DLG2: variants seen among roughly 807,000 people sequenced by gnomAD.
The protein encoded by DLG2 is discs large MAGUK scaffold protein 2, also known as disks large homolog 2.
In DLG2, 45 loss-of-function variants were observed where a neutral mutation model predicts 132.5. That is an observed-to-expected ratio of 0.34 (90% confidence interval 0.27 to 0.44). DLG2 has a LOEUF of 0.44. DLG2 is among the 20% of genes least tolerant of loss of function. DLG2 has a pLI of 1.00. For synonymous variants in DLG2, 424 were observed against 419.6 expected (o/e 1.01, Z -0.13); for missense variants, 1,045 against 1,196.9 (o/e 0.87, Z 1.87).
intron 3 of DLG2, among the ~76,000 whole-genome samples, chr11:85,542,964 T>C (rs574678012): frequency 9.3e-4 from 142 of 152,326 alleles, no homozygotes; most frequent in Non-Finnish European, 1.5e-3. Flanking sequence ...ATACTGTTGC[T>C]AGGTGTAGCT....
chr11:85,171,327 C>T (rs2078857352), intron 4 of DLG2, among the ~76,000 whole-genome samples: 1 of 152,138 alleles, frequency 6.6e-6, no homozygotes, highest in Non-Finnish European at 1.5e-5. Context: ...CCCCCACCTC[C>T]AGCCAAGGGA....
chr11:84,673,115 G>T (rs61899031), intron 6 of DLG2, among the ~76,000 whole-genome samples: 20,206 of 151,938 alleles, frequency 0.13, 1,553 homozygotes, highest in East Asian at 0.24. Flanking sequence ...CCAACATTAG[G>T]ATTACAATTT....
intron 3 of DLG2, among the ~76,000 whole-genome samples, chr11:85,315,318 C>T (rs1253484761): frequency 6.6e-6 from 1 of 151,926 alleles, no homozygotes; most frequent in Non-Finnish European, 1.5e-5. Flanking sequence ...CCATCCAATC[C>T]TGTCTTGCCA....
In DLG2 at chr11:84,602,292, A is replaced by G. The variant is rs1351275973; in HGVS notation, c.358-67561T>C. On this transcript the variant is annotated intron_variant, in intron 6 of 27. Transcript: ENST00000376104. Reference sequence around the variant, plus strand: ...TATTCTCTAAACAACTCTAAGAAATACCTATTATTTTCTCCATTTCTCCAT... The same window carrying G: ...TATTCTCTAAACAACTCTAAGAAATGCCTATTATTTTCTCCATTTCTCCAT... Among the ~76,000 whole-genome samples, 3 of 151,770 alleles carry G rather than the reference A, an allele frequency of 2.0e-5. No individual in the cohort carries two copies. The East Asian group carries it at 5.8e-4, about 29-fold the overall frequency.
intron 4 of DLG2, among the ~76,000 whole-genome samples, chr11:85,175,573 C>T (rs1038023142): frequency 3.3e-5 from 5 of 152,164 alleles, no homozygotes; most frequent in African/African-American, 1.2e-4. Flanking sequence ...TGCCCTCTCT[C>T]ACCACTCCTA....
intron 7 of DLG2, among the ~76,000 whole-genome samples, chr11:84,286,610 C>A (rs774872701): frequency 6.6e-6 from 1 of 152,178 alleles, no homozygotes; most frequent in Non-Finnish European, 1.5e-5. Context: ...TTTTAGCATG[C>A]TAATGCACTT....
At chr11:83,739,409 A>C (rs2092310670) in intron 18 of DLG2, among the ~76,000 whole-genome samples, 1 of 152,202 alleles carries the variant, frequency 6.6e-6, no homozygotes, top group South Asian at 2.1e-4. Context: ...GATAATTAAA[A>C]AGAACATTAA....
chr11:84,081,965 C>T (rs2096910822), intron 10 of DLG2, among the ~76,000 whole-genome samples: 1 of 152,152 alleles, frequency 6.6e-6, no homozygotes, highest in Non-Finnish European at 1.5e-5. Flanking sequence ...CCTATTTCTC[C>T]ATATGCTCTC....
At chr11:85,411,091 G>A (rs1172563857) in intron 3 of DLG2, among the ~76,000 whole-genome samples, 1 of 151,758 alleles carries the variant, frequency 6.6e-6, no homozygotes, top group Non-Finnish European at 1.5e-5. Context: ...AGATTTGAGG[G>A]AATATTCTTC....
intron 7 of DLG2, among the ~76,000 whole-genome samples, chr11:84,331,375 C>A (rs1301789605): frequency 1.3e-5 from 2 of 149,704 alleles, no homozygotes; most frequent in African/African-American, 4.9e-5. Flanking sequence ...AGCAAAGCTG[C>A]AATTCAAATT....
At chr11:84,122,575 G>T (rs538254869) in intron 9 of DLG2, among the ~76,000 whole-genome samples, 1 of 78,490 alleles carries the variant, frequency 1.3e-5, no homozygotes, top group African/African-American at 3.2e-5. Context: ...TGCTCCTAGG[G>T]CAAACAAACA....
At chr11:85,484,065 A>T (rs1261429416) in intron 3 of DLG2, among the ~76,000 whole-genome samples, 1 of 144,732 alleles carries the variant, frequency 6.9e-6, no homozygotes, top group Non-Finnish European at 1.5e-5. Flanking sequence ...CCGATAGTCA[A>T]CAAGTACCGT....
intron 7 of DLG2, among the ~76,000 whole-genome samples, chr11:84,278,007 C>T (rs958410122): frequency 4.6e-5 from 7 of 150,790 alleles, no homozygotes; most frequent in African/African-American, 1.7e-4. Flanking sequence ...AGTCCTCTGG[C>T]CTCAGCCTCC....
At chr11:85,326,446 G>C (rs1378228959) in intron 3 of DLG2, among the ~76,000 whole-genome samples, 1 of 114,576 alleles carries the variant, frequency 8.7e-6, no homozygotes, top group East Asian at 3.1e-4. Flanking sequence ...CTACAAGCCA[G>C]AAGAGAGTGG....
intron 6 of DLG2, among the ~76,000 whole-genome samples, chr11:84,916,004 A>C (rs2092430289): frequency 6.6e-6 from 1 of 152,172 alleles, no homozygotes; most frequent in Admixed American, 6.5e-5. Flanking sequence ...ATGAACGTAT[A>C]CATATGACTC....
chr11:84,581,252 G>T (rs1195866513), intron 6 of DLG2, among the ~76,000 whole-genome samples: 1 of 152,282 alleles, frequency 6.6e-6, no homozygotes, highest in South Asian at 2.1e-4. Flanking sequence ...GAACACAAAA[G>T]ACATTCCATC....
chr11:85,345,213 G>A (rs1001274556), intron 3 of DLG2, among the ~76,000 whole-genome samples: 4 of 152,086 alleles, frequency 2.6e-5, no homozygotes, highest in African/African-American at 9.7e-5. Flanking sequence ...CATCTTGGAA[G>A]TTGCATAAGG....
intron 9 of DLG2, among the ~76,000 whole-genome samples, chr11:84,131,012 TC>T (rs1566635591): frequency 6.6e-6 from 1 of 152,034 alleles, no homozygotes; most frequent in African/African-American, 2.4e-5. Context: ...TACATGTACT[TC>T]ATAAATAGAC....
chr11:85,512,227 C>A (rs1324619603), intron 3 of DLG2, among the ~76,000 whole-genome samples: 2 of 152,008 alleles, frequency 1.3e-5, no homozygotes, highest in Admixed American at 6.6e-5. Flanking sequence ...ACAAAGAACT[C>A]CAACCTGGTG....
Sources: allele counts gnomAD v4.1 joint callset (sites outside exome capture counted in the v4.1 genomes callset), GRCh38; gene constraint gnomAD v4.1.1; transcripts MANE v1.5; gene names NCBI Gene and HGNC (gene_info 2026-07-23, HGNC 2026-07-21).